Variants in CNTNAP2 observed in about 807,000 individuals in gnomAD.
CNTNAP2 encodes contactin-associated protein-like 2.
CNTNAP2 carries 98 observed loss-of-function variants against 155.2 expected under a neutral mutation model. The ratio of observed to expected loss-of-function variants is 0.63; its 90% CI spans 0.54 to 0.75. The LOEUF is 0.75. Ranked by LOEUF, CNTNAP2 falls within the 30% of genes least tolerant of loss-of-function variation. The pLI is 0.00. For synonymous variants in CNTNAP2, 651 were observed against 631.2 expected, an observed-to-expected ratio of 1.03 and a Z score of -0.47; for missense variants, 1,727 against 1,688.1, an observed-to-expected ratio of 1.02 and a Z score of -0.40.
At chr7:146,555,402 TATC>T (rs956758008) in intron 1 of CNTNAP2, among the ~76,000 whole-genome samples, 33 of 152,192 alleles carry the variant, frequency 2.2e-4, no homozygotes, top group Admixed American at 4.6e-4. Flanking sequence ...ATCTATTATG[TATC>T]ATCTATTTAC....
chr7:147,738,428 G>C (rs889919245), intron 13 of CNTNAP2, among the ~76,000 whole-genome samples: 1 of 151,962 alleles, frequency 6.6e-6, no homozygotes, highest in Non-Finnish European at 1.5e-5. Context: ...TTAAGACACT[G>C]CCATGGCCAC....
At chr7:147,616,052 C>G (rs1313127621) in intron 12 of CNTNAP2, among the ~76,000 whole-genome samples, 1 of 151,824 alleles carries the variant, frequency 6.6e-6, no homozygotes, top group African/African-American at 2.4e-5. Context: ...CACAATAATC[C>G]TTGTTTCATT....
chr7:147,781,433 A>C (rs559891432), intron 13 of CNTNAP2, among the ~76,000 whole-genome samples: 1 of 152,316 alleles, frequency 6.6e-6, no homozygotes, highest in African/African-American at 2.4e-5. Context: ...TTACAGTGGC[A>C]GTGGACATGG....
At chr7:147,628,263 A>G (rs563146710) in intron 12 of CNTNAP2, among the ~76,000 whole-genome samples, 3 of 152,248 alleles carry the variant, frequency 2.0e-5, no homozygotes, top group South Asian at 2.1e-4. Context: ...AGGAAAACCT[A>G]TCAGATTAAT....
intron 3 of CNTNAP2, among the ~76,000 whole-genome samples, chr7:146,896,588 G>A (rs1156321963): frequency 6.6e-6 from 1 of 151,922 alleles, no homozygotes; most frequent in African/African-American, 2.4e-5. Flanking sequence ...CAACAAACCA[G>A]GCAATATCAA....
intron 13 of CNTNAP2, among the ~76,000 whole-genome samples, chr7:147,816,915 C>A (rs1798274555): frequency 6.6e-6 from 1 of 152,082 alleles, no homozygotes; most frequent in Non-Finnish European, 1.5e-5. Flanking sequence ...ATTTGGAACC[C>A]TAGAACTTAT....
chr7:147,427,837 A>G (rs1797404748), intron 10 of CNTNAP2, among the ~76,000 whole-genome samples: 1 of 152,190 alleles, frequency 6.6e-6, no homozygotes, highest in African/African-American at 2.4e-5. Context: ...GGACAATGTT[A>G]AAGCTGCATT....
At chr7:147,633,704 T>C (rs538019542) in intron 12 of CNTNAP2, among the ~76,000 whole-genome samples, 2 of 152,294 alleles carry the variant, frequency 1.3e-5, no homozygotes, top group South Asian at 4.1e-4. Context: ...TCATAAGGTC[T>C]GATGGTTTTA....
intron 15 of CNTNAP2, among the ~76,000 whole-genome samples, chr7:148,100,875 C>T (rs897071859): frequency 5.3e-5 from 8 of 152,006 alleles, no homozygotes; most frequent in Admixed American, 1.3e-4. Context: ...GACTTGGAAC[C>T]AACCTAAATG....
At chr7:146,298,354 A>G (rs1372062430) in intron 1 of CNTNAP2, among the ~76,000 whole-genome samples, 1 of 152,210 alleles carries the variant, frequency 6.6e-6, no homozygotes, top group African/African-American at 2.4e-5. Context: ...ATAAAAAAAG[A>G]ATGTACAGCA....
chr7:146,816,454 C>A (rs1803171551), intron 2 of CNTNAP2, among the ~76,000 whole-genome samples: 1 of 152,128 alleles, frequency 6.6e-6, no homozygotes, highest in Non-Finnish European at 1.5e-5. Flanking sequence ...AGGACCTCAC[C>A]AACTGACTGC....
rs117166474 is a variant in CNTNAP2, at chr7:147,401,695, T to C, written c.1670+5915T>C. 7.9e-3 allele frequency among the ~76,000 whole-genome samples: 1,209 copies of C among 152,236 alleles called. 41 individuals are homozygous for C. In the East Asian group the frequency reaches 0.09, roughly 11 times the overall value. ...GGATCATGGGGGTGGATTTCCCCCT[T>C]ACCGTTCTCATGATAGTGAGTGAGT... is the stretch of plus-strand genomic sequence containing the variant. On this transcript the variant is annotated intron_variant, in intron 10 of 23. Coordinates refer to ENST00000361727, the MANE Select transcript of CNTNAP2 (RefSeq NM_014141.6).
intron 1 of CNTNAP2, among the ~76,000 whole-genome samples, chr7:146,246,012 T>C (rs1799643236): frequency 6.7e-6 from 1 of 149,834 alleles, no homozygotes; most frequent in Admixed American, 6.6e-5. Flanking sequence ...TTGTCTGGTT[T>C]TAGGACAGGT....
chr7:147,990,307 C>G (rs1290342769), intron 15 of CNTNAP2, among the ~76,000 whole-genome samples: 1 of 152,126 alleles, frequency 6.6e-6, no homozygotes, highest in African/African-American at 2.4e-5. Context: ...GCTCAACAGT[C>G]AAAGACAGGT....
At chr7:146,502,236 T>TATATATATATATATATGA (rs1797314504) in intron 1 of CNTNAP2, among the ~76,000 whole-genome samples, 2 of 76,714 alleles carry the variant, frequency 2.6e-5, no homozygotes, top group African/African-American at 7.6e-5. Context: ...TATATATATA[T>TATATATATATATATATGA]ATATATATAT....
At chr7:146,411,462 G>T (rs1337465118) in intron 1 of CNTNAP2, among the ~76,000 whole-genome samples, 1 of 151,968 alleles carries the variant, frequency 6.6e-6, no homozygotes, top group Non-Finnish European at 1.5e-5. Flanking sequence ...GGCTAATAGA[G>T]TAGATTTTAA....
intron 15 of CNTNAP2, among the ~76,000 whole-genome samples, chr7:148,061,607 G>A (rs1434470442): frequency 2.0e-5 from 3 of 151,638 alleles, no homozygotes; most frequent in East Asian, 3.9e-4. Flanking sequence ...CACCTGCCTC[G>A]CCCTCCCAAA....
intron 22 of CNTNAP2, among the ~76,000 whole-genome samples, chr7:148,402,837 A>G (rs1799618624): frequency 6.6e-6 from 1 of 151,862 alleles, no homozygotes; most frequent in Admixed American, 6.6e-5. Context: ...ATATGATCTA[A>G]TTTTTTTGTC....
chr7:146,840,437 C>T (rs979011062), intron 3 of CNTNAP2, among the ~76,000 whole-genome samples: 80 of 152,092 alleles, frequency 5.3e-4, no homozygotes, highest in African/African-American at 1.9e-3. Context: ...TCTCTATTAA[C>T]TTAAAAAGTT....
Sources: gnomAD v4.1 joint callset for allele counts (sites outside exome capture counted in the v4.1 genomes callset) on GRCh38, gnomAD v4.1.1 for gene constraint, MANE v1.5 for transcripts, NCBI Gene and HGNC (gene_info 2026-07-23, HGNC 2026-07-21) for gene names.